The following ZNF804B variants were observed in gnomAD, a reference collection of about 807,000 sequenced individuals.
The protein encoded by ZNF804B is zinc finger 804B.
In ZNF804B, 80 loss-of-function variants were observed where a neutral mutation model predicts 101.4. The ratio of observed to expected loss-of-function variants is 0.79; its 90% CI spans 0.66 to 0.95. The LOEUF (loss-of-function observed/expected upper bound fraction) is 0.95, where lower values mean the gene tolerates loss of function less well. ZNF804B is among the 40% of genes least tolerant of loss of function. The probability of loss-of-function intolerance (pLI) is 0.00; values close to 1 mark genes in which losing one functional copy is unlikely to be tolerated. For missense variants in ZNF804B, 1,673 were observed against 1,561.9 expected (o/e 1.07, Z -1.20); for synonymous variants, 622 against 558.8 (o/e 1.11, Z -1.59).
intron 1 of ZNF804B, among the ~76,000 whole-genome samples, chr7:89,168,709 C>A (rs62461941): frequency 1.5e-5 from 2 of 133,266 alleles, no homozygotes; most frequent in African/African-American, 5.8e-5. Flanking sequence ...TTTTTTTGCA[C>A]GGGCCTGCTC....
chr7:89,204,215 A>G (rs1176254993), intron 1 of ZNF804B, among the ~76,000 whole-genome samples: 1 of 152,230 alleles, frequency 6.6e-6, no homozygotes, highest in African/African-American at 2.4e-5. Flanking sequence ...CATTTTTACA[A>G]TAAGTAGCTA....
In ZNF804B at chr7:89,037,056, C is replaced by G. The variant is rs939387622; in HGVS notation, c.109-181099C>G. ...TTTAAATCTTTTTAATTACTTGCCACATTACACGAATGAGACAATTTTAAC... is the reference window on the plus strand; with the variant it reads ...TTTAAATCTTTTTAATTACTTGCCAGATTACACGAATGAGACAATTTTAAC... On this transcript the variant is annotated intron_variant, in intron 1 of 3. Transcript: ENST00000333190. Among the ~76,000 whole-genome samples the G allele has an allele frequency of 2.0e-5, 3 of 152,048 alleles. No individual in the cohort carries two copies. In the South Asian group the frequency reaches 6.2e-4, roughly 32 times the overall value.
intron 1 of ZNF804B, among the ~76,000 whole-genome samples, chr7:89,200,762 G>A (rs1305082046): frequency 1.3e-5 from 2 of 151,904 alleles, no homozygotes; most frequent in Non-Finnish European, 2.9e-5. Context: ...TTTTTAAATT[G>A]TACTTTACAG....
intron 1 of ZNF804B, among the ~76,000 whole-genome samples, chr7:89,033,519 A>AT (rs1788873357): frequency 2.6e-5 from 4 of 152,102 alleles, no homozygotes; most frequent in Admixed American, 2.6e-4. Context: ...TATTTTTAGT[A>AT]TTTTGTGGAA....
intron 1 of ZNF804B, among the ~76,000 whole-genome samples, chr7:88,982,435 T>C (rs1214646256): frequency 1.3e-5 from 2 of 152,076 alleles, no homozygotes; most frequent in African/African-American, 4.8e-5. Context: ...AACAGAAATT[T>C]ATTTTCTCAA....
chr7:88,887,612 T>C (rs530701112), intron 1 of ZNF804B, among the ~76,000 whole-genome samples: 14 of 152,290 alleles, frequency 9.2e-5, no homozygotes, highest in African/African-American at 3.4e-4. Flanking sequence ...GAGCTCTCTA[T>C]TCTGTTCCAC....
intron 1 of ZNF804B, among the ~76,000 whole-genome samples, chr7:88,815,276 T>C (rs1790858948): frequency 6.7e-6 from 1 of 149,074 alleles, no homozygotes; most frequent in Non-Finnish European, 1.5e-5. Flanking sequence ...ATCCATATGA[T>C]TCTGTAGAAA....
Position 88,823,842 on chromosome 7 carries a change from A to G in ZNF804B, c.108+63758A>G, listed in dbSNP as rs565720380. Among the ~76,000 whole-genome samples, 8 of 152,088 alleles carry G rather than the reference A, an allele frequency of 5.3e-5. No homozygotes were observed. The South Asian group carries it at 1.7e-3, about 32-fold the overall frequency. On this transcript the variant is annotated intron_variant, in intron 1 of 3. Coordinates refer to ENST00000333190, the MANE Select transcript of ZNF804B (RefSeq NM_181646.5). ...AAGAGGAAGAAAATGTCAGTAAAAA[A>G]GAAAAGCACTGATGGAAGCATAAGA...
intron 1 of ZNF804B, among the ~76,000 whole-genome samples, chr7:88,974,087 T>A (rs1469559526): frequency 6.6e-6 from 1 of 151,266 alleles, no homozygotes; most frequent in Non-Finnish European, 1.5e-5. Context: ...TCATTCCTCC[T>A]ATAGGGGATA....
At chr7:89,198,547 G>T in intron 1 of ZNF804B, among the ~76,000 whole-genome samples, 3 of 151,930 alleles carry the variant, frequency 2.0e-5, no homozygotes, top group Admixed American at 2.0e-4. Context: ...TGACCTTGAG[G>T]TTACCTGTCA....
intron 1 of ZNF804B, chr7:88,794,070 A>T: frequency 1.3e-6 from 1 of 766,200 alleles, no homozygotes; most frequent in South Asian, 2.1e-5. Flanking sequence ...ACCTCTGTGT[A>T]TATTGCAATG....
chr7:89,315,013 G>C (rs1319301344), intron 2 of ZNF804B, among the ~76,000 whole-genome samples: 2 of 152,146 alleles, frequency 1.3e-5, no homozygotes, highest in Non-Finnish European at 2.9e-5. Context: ...AAAGAAAAGA[G>C]GTTTAATTGG....
chr7:88,932,285 C>T (rs1399719341), intron 1 of ZNF804B, among the ~76,000 whole-genome samples: 1 of 151,712 alleles, frequency 6.6e-6, no homozygotes, highest in African/African-American at 2.4e-5. Flanking sequence ...TAAATGACTA[C>T]ATCAAAAAGT....
At chr7:89,291,336 A>C (rs1401541879) in intron 2 of ZNF804B, among the ~76,000 whole-genome samples, 2 of 152,214 alleles carry the variant, frequency 1.3e-5, no homozygotes, top group African/African-American at 4.8e-5. Context: ...CTTTTCAGAC[A>C]GAGAATTTAA....
At chr7:89,261,769 T>A (rs1391068546) in intron 2 of ZNF804B, among the ~76,000 whole-genome samples, 1 of 152,176 alleles carries the variant, frequency 6.6e-6, no homozygotes, top group Non-Finnish European at 1.5e-5. Flanking sequence ...CATATCTAAA[T>A]GTTGATTATC....
chr7:89,002,773 G>A (rs2116175679), intron 1 of ZNF804B, among the ~76,000 whole-genome samples: 1 of 151,524 alleles, frequency 6.6e-6, no homozygotes, highest in South Asian at 2.1e-4. Flanking sequence ...GAATGGATGA[G>A]AAAAAAAGGA....
chr7:89,038,979 C>T (rs1219937569), intron 1 of ZNF804B, among the ~76,000 whole-genome samples: 1 of 151,920 alleles, frequency 6.6e-6, no homozygotes, highest in African/African-American at 2.4e-5. Context: ...AAAGTGATGA[C>T]TTATTTTTAG....
At chr7:89,126,686 A>G (rs1444870882) in intron 1 of ZNF804B, among the ~76,000 whole-genome samples, 1 of 151,768 alleles carries the variant, frequency 6.6e-6, no homozygotes, top group Non-Finnish European at 1.5e-5. Context: ...TTTTTGGAAC[A>G]CATAAGACTA....
At chr7:89,157,695 C>A (rs1790997220) in intron 1 of ZNF804B, among the ~76,000 whole-genome samples, 1 of 152,040 alleles carries the variant, frequency 6.6e-6, no homozygotes. Flanking sequence ...AAGTACACAT[C>A]CAAATCTTTT....
Sources: gnomAD v4.1 joint callset for allele counts (sites outside exome capture counted in the v4.1 genomes callset) on GRCh38, gnomAD v4.1.1 for gene constraint, MANE v1.5 for transcripts, NCBI Gene and HGNC (gene_info 2026-07-23, HGNC 2026-07-21) for gene names.